The following MACC1 variants were observed in gnomAD, a reference collection of about 807,000 sequenced individuals.
MACC1 encodes MET transcriptional regulator MACC1, also known as metastasis-associated in colon cancer protein 1.
In MACC1, 79 loss-of-function variants were observed where a neutral mutation model predicts 70.7. That is an observed-to-expected ratio of 1.12 (90% CI 0.93 to 1.35). The LOEUF (loss-of-function observed/expected upper bound fraction) is 1.35. Ranked by LOEUF, MACC1 falls within the 40% of genes most tolerant of loss-of-function variation. The probability of loss-of-function intolerance (pLI) is 0.00; values close to 1 mark genes in which losing one functional copy is unlikely to be tolerated. For missense variants in MACC1, 1,106 were observed against 978.1 expected (o/e 1.13, Z -1.74); for synonymous variants, 361 against 347.2 (o/e 1.04, Z -0.44).
At chr7:20,164,610 G>T (rs776199394) in intron 2 of MACC1, among the ~76,000 whole-genome samples, 1 of 152,104 alleles carries the variant, frequency 6.6e-6, no homozygotes, top group South Asian at 2.1e-4. Context: ...GAAAAAATGG[G>T]TAAAATGTTG....
intron 1 of MACC1, among the ~76,000 whole-genome samples, chr7:20,188,929 T>C (rs1229008543): frequency 6.6e-6 from 1 of 152,240 alleles, no homozygotes; most frequent in Non-Finnish European, 1.5e-5. Flanking sequence ...TATATGGCTT[T>C]ATTCTTTAAC....
intron 1 of MACC1, among the ~76,000 whole-genome samples, chr7:20,212,830 T>A (rs796617522): frequency 4.6e-5 from 7 of 152,158 alleles, no homozygotes; most frequent in African/African-American, 1.7e-4. Flanking sequence ...ACAGCAAAGA[T>A]GGCAGCCCGC....
At chr7:20,178,345 T>A (rs905300147) in intron 1 of MACC1, among the ~76,000 whole-genome samples, 2 of 151,826 alleles carry the variant, frequency 1.3e-5, no homozygotes, top group African/African-American at 4.9e-5. Flanking sequence ...TATACAATTC[T>A]GTGGTCATCA....
At chr7:20,154,424 G>GGCCGGGCGCGGT in intron 5 of MACC1, 43 bp from the exon 6 acceptor site, 1 of 1,564,034 alleles carries the variant, frequency 6.4e-7, no homozygotes, top group Non-Finnish European at 8.7e-7. Flanking sequence ...CAACTAACTT[G>GGCCGGGCGCGGT]GGCTTTTCTC....
rs1781772721 is a variant in MACC1 at position 20,139,922 on chromosome 7, C to T, written c.*1024G>A. 1 of 152,002 alleles carries T rather than the reference C, an allele frequency of 6.6e-6. No homozygotes were observed. The highest frequency in any genetic ancestry group is 6.5e-5 in the Admixed American group (1 of 15,270). 9.4% of individuals were successfully genotyped at this position (152,002 alleles called of 1,614,324 possible). On this transcript the variant is annotated 3_prime_UTR_variant, in exon 7 of 7. Transcript: ENST00000400331. ...AGTGTTTTCGGTGGTTAAGACCTCTCTACTCAACAGGGTAATCAAGTTAAT... is the reference window on the plus strand; with the variant it reads ...AGTGTTTTCGGTGGTTAAGACCTCTTTACTCAACAGGGTAATCAAGTTAAT...
Position 20,217,374 on chromosome 7 carries a change from G to A in MACC1, c.-293C>T, listed in dbSNP as rs868683093. On this transcript the variant is annotated 5_prime_UTR_variant, in exon 1 of 7. Transcript: ENST00000400331. ...GAATAGAAGTCACTCTACCAAACCCGGGTACTCTTCAAACATGCCTTGCTC... is the reference window on the plus strand; with the variant it reads ...GAATAGAAGTCACTCTACCAAACCCAGGTACTCTTCAAACATGCCTTGCTC... 4.6e-5 allele frequency: 7 copies of A among 152,162 alleles called. No homozygotes were observed. The highest frequency in any genetic ancestry group is 1.0e-4 in the Non-Finnish European group (7 of 68,044). 9.4% of individuals were successfully genotyped at this position (152,162 alleles called of 1,614,324 possible). A position where few individuals can be genotyped will look rare whatever the true frequency, so the allele number is the denominator to read the frequency against.
intron 1 of MACC1, among the ~76,000 whole-genome samples, chr7:20,181,702 G>C (rs542553626): frequency 1.3e-5 from 2 of 152,026 alleles, no homozygotes; most frequent in Non-Finnish European, 2.9e-5. Context: ...AAAAACATTT[G>C]CATTTTAAAA....
Position 20,161,813 on chromosome 7 carries a change from C to G in MACC1, c.50G>C (p.Ser17Thr). The G allele has an allele frequency of 6.2e-7, 1 of 1,612,636 alleles. No individual in the cohort carries two copies. The highest frequency in any genetic ancestry group is 8.5e-7 in the Non-Finnish European group (1 of 1,179,022). ...GTCAATCAAATTTGCTTCAGACATA[C>G]TTTGTGCAATTCTTCCTGACCGAAA... Reference protein sequence around the residue: ...KHFRSGRIAQSMSEANLIDME... With the variant: ...KHFRSGRIAQTMSEANLIDME... The change falls in exon 4 of 7, where the codon AGT becomes ACT. Residue 17 changes from serine to threonine, a missense_variant. Physicochemically the swap from Ser to Thr is moderately conservative, Grantham distance 58. Transcript: ENST00000400331.
At chr7:20,202,031 T>C (rs1782841048) in intron 1 of MACC1, among the ~76,000 whole-genome samples, 1 of 152,222 alleles carries the variant, frequency 6.6e-6, no homozygotes, top group African/African-American at 2.4e-5. Context: ...ATAAATATTT[T>C]ATTATGAATT....
rs1218388786 is a variant in MACC1, at chr7:20,137,328, A to G, written c.*3618T>C. On this transcript the variant is annotated 3_prime_UTR_variant, in exon 7 of 7. Coordinates refer to ENST00000400331, the MANE Select transcript of MACC1 (RefSeq NM_182762.4). ...TCCTTCCAGAAACCTAGTCATCCCCAAACTGAGAACTTTATATAGTATGTT... is the reference window on the plus strand; with the variant it reads ...TCCTTCCAGAAACCTAGTCATCCCCGAACTGAGAACTTTATATAGTATGTT... The G allele has an allele frequency of 1.1e-4, 16 of 152,178 alleles. No homozygotes were observed. The highest frequency in any genetic ancestry group is 2.2e-4 in the Non-Finnish European group (15 of 68,036). The allele number at this position is 152,178 out of a possible 1,614,324, so 9.4% of individuals were successfully genotyped here.
chr7:20,187,974 C>A (rs187633316), intron 1 of MACC1, among the ~76,000 whole-genome samples: 1 of 152,104 alleles, frequency 6.6e-6, no homozygotes, highest in African/African-American at 2.4e-5. Flanking sequence ...CAGTTCTGCA[C>A]GGCTGGGGAG....
chr7:20,162,737 A>G (rs1373521774), intron 3 of MACC1, among the ~76,000 whole-genome samples: 1 of 152,208 alleles, frequency 6.6e-6, no homozygotes, highest in Non-Finnish European at 1.5e-5. Context: ...TGCTAAAAAA[A>G]TATTACATTG....
chr7:20,189,526 T>C (rs868250384), intron 1 of MACC1, among the ~76,000 whole-genome samples: 2 of 152,340 alleles, frequency 1.3e-5, no homozygotes, highest in South Asian at 4.1e-4. Flanking sequence ...TTGTAAAGAT[T>C]TCCTAGGTGA....
In MACC1 at chr7:20,136,248, A is replaced by C. The variant is rs1781716592; in HGVS notation, c.*4698T>G. On this transcript the variant is annotated 3_prime_UTR_variant, in exon 7 of 7. Coordinates refer to ENST00000400331, the MANE Select transcript of MACC1 (RefSeq NM_182762.4). ...AGAAACCGCAGCTCTCAACTCTTTG[A>C]CTAGTGTCTTGTAGAGGAAGCCTTT... 6.6e-6 allele frequency: 1 copy of C among 152,220 alleles called. No homozygotes were observed. Among genetic ancestry groups the C allele is most frequent in the Non-Finnish European group, 1.5e-5 (1 of 68,038 alleles). The allele number at this position is 152,220 out of a possible 1,614,324, so 9.4% of individuals were successfully genotyped here.
At chr7:20,209,401 T>C (rs946098945) in intron 1 of MACC1, among the ~76,000 whole-genome samples, 1 of 152,242 alleles carries the variant, frequency 6.6e-6, no homozygotes, top group African/African-American at 2.4e-5. Flanking sequence ...GTGATGTGGA[T>C]GTGAGACATA....
intron 1 of MACC1, among the ~76,000 whole-genome samples, chr7:20,182,891 T>C (rs1001207459): frequency 1.3e-5 from 2 of 152,248 alleles, no homozygotes; most frequent in East Asian, 1.9e-4. Context: ...GGAAATCTTA[T>C]GTAAAAACAA....
rs1179820652 is a variant in MACC1, at chr7:20,159,393, A to T, written c.968T>A (p.Leu323Ter). Residue 323 changes from leucine (L) to a stop codon, truncating the protein, a stop_gained, in exon 5 of 7, where the codon TTA becomes TAA. Coordinates refer to ENST00000400331, the MANE Select transcript of MACC1 (RefSeq NM_182762.4). LOFTEE classifies it high-confidence loss of function. ...SLGKEGPFKV[L>*]SNCYIYKDTI... ...GTCTTTATAAATGTAGCAGTTGCTTAAAACTTTAAAAGGGCCTTCTTTACC... is the reference window on the plus strand; with the variant it reads ...GTCTTTATAAATGTAGCAGTTGCTTTAAACTTTAAAAGGGCCTTCTTTACC... 2 of 1,613,930 alleles carry T rather than the reference A, an allele frequency of 1.2e-6. No individual in the cohort carries two copies. The highest frequency in any genetic ancestry group is 3.3e-5 in the Admixed American group (2 of 59,962).
intron 1 of MACC1, among the ~76,000 whole-genome samples, chr7:20,201,520 G>C (rs1248160193): frequency 6.6e-6 from 1 of 152,164 alleles, no homozygotes; most frequent in Non-Finnish European, 1.5e-5. Context: ...GCAGAGGCTG[G>C]TCATGACATA....
At chr7:20,182,595 C>T (rs1782526988) in intron 1 of MACC1, among the ~76,000 whole-genome samples, 1 of 152,064 alleles carries the variant, frequency 6.6e-6, no homozygotes. Flanking sequence ...CCATATATAC[C>T]CTTTCCTACT....
Sources: gnomAD v4.1 joint callset for allele counts (sites outside exome capture counted in the v4.1 genomes callset) on GRCh38, gnomAD v4.1.1 for gene constraint, MANE v1.5 for transcripts, NCBI Gene and HGNC (gene_info 2026-07-23, HGNC 2026-07-21) for gene names.